The following CAMKMT variants were observed in gnomAD, a reference collection of about 807,000 sequenced individuals.
The protein encoded by CAMKMT is calmodulin-lysine N-methyltransferase, also known as CaM KMT.
CAMKMT carries 53 observed loss-of-function variants against 48.0 expected under a neutral mutation model. The ratio of observed to expected loss-of-function variants is 1.10; its 90% CI spans 0.89 to 1.39. The LOEUF (loss-of-function observed/expected upper bound fraction) is 1.39, where lower values mean the gene tolerates loss of function less well. CAMKMT is among the 40% of genes most tolerant of loss of function. The probability of loss-of-function intolerance (pLI) is 0.00; values close to 1 mark genes in which losing one functional copy is unlikely to be tolerated. For synonymous variants in CAMKMT, 165 were observed against 152.3 expected, an observed-to-expected ratio of 1.08 and a Z score of -0.61; for missense variants, 428 against 402.7, an observed-to-expected ratio of 1.06 and a Z score of -0.54.
At chr2:44,683,161 G>C (rs1676118032) in intron 3 of CAMKMT, among the ~76,000 whole-genome samples, 1 of 152,004 alleles carries the variant, frequency 6.6e-6, no homozygotes, top group Non-Finnish European at 1.5e-5. Flanking sequence ...CAGTGTATTG[G>C]AGCATGGAAA....
At chr2:44,401,682 G>T (rs1360627209) in intron 3 of CAMKMT, among the ~76,000 whole-genome samples, 1 of 152,114 alleles carries the variant, frequency 6.6e-6, no homozygotes, top group East Asian at 1.9e-4. Context: ...GAATTTAATG[G>T]CTTGAACATA....
At chr2:44,484,945 A>G (rs1294273637) in intron 3 of CAMKMT, among the ~76,000 whole-genome samples, 1 of 152,154 alleles carries the variant, frequency 6.6e-6, no homozygotes, top group African/African-American at 2.4e-5. Flanking sequence ...GTATATCCAA[A>G]TGGCCGATAA....
At chr2:44,406,369 A>G (rs1682778301) in intron 3 of CAMKMT, among the ~76,000 whole-genome samples, 2 of 152,086 alleles carry the variant, frequency 1.3e-5, no homozygotes, top group Admixed American at 6.6e-5. Flanking sequence ...GTTTGGAGTT[A>G]TAATAAGTTT....
chr2:44,761,614 G>A (rs79048474), intron 9 of CAMKMT, among the ~76,000 whole-genome samples: 1 of 152,202 alleles, frequency 6.6e-6, no homozygotes, highest in South Asian at 2.1e-4. Flanking sequence ...AAGCAATTCA[G>A]AACACAGTTT....
intron 3 of CAMKMT, among the ~76,000 whole-genome samples, chr2:44,551,202 CAAA>C (rs1359878069): frequency 6.6e-6 from 1 of 152,080 alleles, no homozygotes; most frequent in Admixed American, 6.5e-5. Flanking sequence ...ATTGCTGAGA[CAAA>C]GAACTGGATA....
intron 3 of CAMKMT, among the ~76,000 whole-genome samples, chr2:44,626,708 C>A (rs1672502724): frequency 6.6e-6 from 1 of 152,092 alleles, no homozygotes; most frequent in South Asian, 2.1e-4. Flanking sequence ...ACTTAATCAC[C>A]TCCTAAAGGC....
At chr2:44,602,180 G>GT (rs543132479) in intron 3 of CAMKMT, among the ~76,000 whole-genome samples, 133 of 151,758 alleles carry the variant, frequency 8.8e-4, no homozygotes, top group African/African-American at 3.1e-3. Flanking sequence ...TGATTTTTGT[G>GT]TTTTTTGTAG....
In CAMKMT at chr2:44,488,843, TTGTG is replaced by T. The variant is rs142299931; in HGVS notation, c.376+98570_376+98573del. Among the ~76,000 whole-genome samples the T allele has an allele frequency of 1.2e-3, 173 of 142,046 alleles. 1 individual carries two copies. Among genetic ancestry groups the T allele is most frequent in the African/African-American group, 3.4e-3 (129 of 38,476 alleles). 93.2% of individuals were successfully genotyped at this position (142,046 alleles called of 152,430 possible). A position where few individuals can be genotyped will look rare whatever the true frequency, so the allele number is the denominator to read the frequency against. ...AAAAATTAGAAAAGCCTTAGGGTAT[TTGTG>T]TGTGTGTGTGTGTGTGTGTGTGTGT... On this transcript the variant is annotated intron_variant, in intron 3 of 10. Coordinates refer to ENST00000378494, the MANE Select transcript of CAMKMT (RefSeq NM_024766.5).
intron 3 of CAMKMT, among the ~76,000 whole-genome samples, chr2:44,448,630 C>T (rs1441205019): frequency 6.6e-6 from 1 of 152,106 alleles, no homozygotes; most frequent in Non-Finnish European, 1.5e-5. Flanking sequence ...AAAAGTCCAC[C>T]CAACTAAGAA....
chr2:44,431,194 A>G (rs1377573738), intron 3 of CAMKMT, among the ~76,000 whole-genome samples: 1 of 152,196 alleles, frequency 6.6e-6, no homozygotes, highest in Non-Finnish European at 1.5e-5. Context: ...TGAAGATATT[A>G]TAAATAACAT....
chr2:44,691,868 T>TCC (rs1676674259), intron 3 of CAMKMT, among the ~76,000 whole-genome samples: 1 of 152,130 alleles, frequency 6.6e-6, no homozygotes, highest in Admixed American at 6.6e-5. Context: ...AGGGCAGGCC[T>TCC]CCACCTGCCC....
intron 3 of CAMKMT, among the ~76,000 whole-genome samples, chr2:44,647,388 A>G (rs937994538): frequency 2.6e-5 from 4 of 152,150 alleles, no homozygotes; most frequent in African/African-American, 9.7e-5. Context: ...CTGTCTGTGC[A>G]TGGACTGAAT....
chr2:44,642,662 C>G (rs1321879568), intron 3 of CAMKMT, among the ~76,000 whole-genome samples: 6 of 152,078 alleles, frequency 3.9e-5, no homozygotes, highest in Non-Finnish European at 7.4e-5. Flanking sequence ...AAGGTGTGCC[C>G]TGGCTGGGGT....
chr2:44,439,786 AAAATAAAT>A (rs201288437), intron 3 of CAMKMT, among the ~76,000 whole-genome samples: 5,452 of 147,872 alleles, frequency 0.037, 299 homozygotes, highest in African/African-American at 0.12. Flanking sequence ...TCCATCTCAT[AAAATAAAT>A]AAATAAATAA....
chr2:44,438,147 C>T (rs1572874924), intron 3 of CAMKMT, among the ~76,000 whole-genome samples: 1 of 152,180 alleles, frequency 6.6e-6, no homozygotes, highest in Admixed American at 6.5e-5. Flanking sequence ...ATCAAGGTCA[C>T]TCAGCTAGTA....
intron 3 of CAMKMT, among the ~76,000 whole-genome samples, chr2:44,445,290 T>C (rs1332605555): frequency 6.6e-6 from 1 of 152,002 alleles, no homozygotes; most frequent in African/African-American, 2.4e-5. Flanking sequence ...GATGCAAGGA[T>C]GGAAGAGGGA....
chr2:44,383,538 A>G (rs1279128754), intron 2 of CAMKMT, among the ~76,000 whole-genome samples: 4 of 152,030 alleles, frequency 2.6e-5, no homozygotes, highest in Admixed American at 2.6e-4. Flanking sequence ...TTGGTTGCAT[A>G]AGTAAGTTCT....
intron 3 of CAMKMT, among the ~76,000 whole-genome samples, chr2:44,639,930 C>T (rs1447836267): frequency 2.6e-5 from 4 of 152,146 alleles, no homozygotes; most frequent in Non-Finnish European, 5.9e-5. Flanking sequence ...ACCCTTGACC[C>T]CATCTTGGTT....
chr2:44,456,603 C>T (rs1391467942), intron 3 of CAMKMT: 1 of 1,549,546 alleles, frequency 6.5e-7, no homozygotes, highest in East Asian at 2.4e-5. Flanking sequence ...ATATCACCAT[C>T]AGTAGTAACT....
Sources: gnomAD v4.1 joint callset for allele counts (sites outside exome capture counted in the v4.1 genomes callset) on GRCh38, gnomAD v4.1.1 for gene constraint, MANE v1.5 for transcripts, NCBI Gene and HGNC (gene_info 2026-07-23, HGNC 2026-07-21) for gene names.